TTC7B: variants seen among roughly 807,000 people sequenced by gnomAD.
TTC7B encodes the protein tetratricopeptide repeat domain 7B, also known as tetratricopeptide repeat protein 7B.
A neutral mutation model predicts 106.8 loss-of-function variants in TTC7B; 28 were observed. The ratio of observed to expected loss-of-function variants is 0.26; its 90% CI spans 0.19 to 0.36. TTC7B has a LOEUF of 0.36. Ranked by LOEUF, TTC7B falls within the 10% of genes least tolerant of loss-of-function variation. The pLI, the probability that TTC7B is intolerant of heterozygous loss-of-function variation, is 1.00. For missense variants in TTC7B, 862 were observed against 1,076.4 expected (o/e 0.80, Z 2.79); for synonymous variants, 405 against 430.6 (o/e 0.94, Z 0.74).
chr14:90,658,271 C>T (rs1303009310), intron 10 of TTC7B, 33 bp downstream of exon 10: 2 of 1,574,958 alleles, frequency 1.3e-6, no homozygotes, highest in Non-Finnish European at 1.7e-6. Flanking sequence ...ATAGGAAAGG[C>T]ATAAAAAACT....
intron 16 of TTC7B, among the ~76,000 whole-genome samples, chr14:90,611,739 C>T (rs139586414): frequency 2.6e-5 from 4 of 152,264 alleles, no homozygotes; most frequent in East Asian, 1.9e-4. Context: ...GAAACCACAG[C>T]GGGCCTAACA....
chr14:90,695,054 T>TGCCACA (rs1473632185), intron 6 of TTC7B, among the ~76,000 whole-genome samples: 4,520 of 39,988 alleles, frequency 0.11, 63 homozygotes, highest in East Asian at 0.22. Context: ...ATAAAATATA[T>TGCCACA]TTTATTTTAT....
At chr14:90,676,139 T>G (rs1886826921) in intron 9 of TTC7B, 1 of 166,714 alleles carries the variant, frequency 6.0e-6, no homozygotes, top group Non-Finnish European at 1.3e-5. Flanking sequence ...TGCCTGAAAT[T>G]GTCAGGCCAC....
At chr14:90,744,716 A>C in intron 4 of TTC7B, 76 bp downstream of exon 4, 16 of 1,484,676 alleles carry the variant, frequency 1.1e-5, no homozygotes, top group African/African-American at 2.8e-5. Flanking sequence ...AAAGCTTCCT[A>C]GAGATTAATC....
intron 9 of TTC7B, among the ~76,000 whole-genome samples, chr14:90,666,297 G>A (rs922171154): frequency 3.9e-5 from 6 of 152,288 alleles, no homozygotes; most frequent in African/African-American, 1.4e-4. Context: ...AAATAGCTGG[G>A]ATTACAGGCG....
intron 5 of TTC7B, among the ~76,000 whole-genome samples, chr14:90,728,387 C>A (rs912874583): frequency 6.8e-6 from 1 of 147,390 alleles, no homozygotes; most frequent in Non-Finnish European, 1.5e-5. Context: ...CTGGCCCAAT[C>A]CCATCACTGG....
Position 90,657,066 on chromosome 14 carries a change from C to G in TTC7B, c.1341+108G>C. On this transcript the variant is annotated intron_variant, in intron 11 of 19. Coordinates refer to ENST00000328459, the MANE Select transcript of TTC7B (RefSeq NM_001010854.2). The surrounding 1 kb of genome is among the most constrained non-coding windows in gnomAD (Gnocchi z 4.2). ...GGCTCTACACAGTCTTGTCTTTGTA[C>G]AGCTGATGAATCACCCTCGCTTTCT... is the stretch of plus-strand genomic sequence containing the variant. The G allele has an allele frequency of 1.0e-6, 1 of 967,796 alleles. No homozygotes were observed. Among genetic ancestry groups the G allele is most frequent in the Admixed American group, 2.2e-5 (1 of 45,906 alleles). The allele number at this position is 967,796 out of a possible 1,614,324, so 60.0% of individuals were successfully genotyped here.
intron 9 of TTC7B, among the ~76,000 whole-genome samples, chr14:90,674,390 C>T (rs1024866662): frequency 6.6e-6 from 1 of 152,234 alleles, no homozygotes; most frequent in African/African-American, 2.4e-5. Context: ...CCGTTTTAGT[C>T]GGATGATCTG....
At chr14:90,703,440 A>G (rs1204434407) in intron 5 of TTC7B, among the ~76,000 whole-genome samples, 1 of 152,218 alleles carries the variant, frequency 6.6e-6, no homozygotes, top group African/African-American at 2.4e-5. Context: ...CAAGCACTTG[A>G]GCTGGAAGTT....
At chr14:90,667,574 C>T (rs1296322951) in intron 9 of TTC7B, among the ~76,000 whole-genome samples, 1 of 152,152 alleles carries the variant, frequency 6.6e-6, no homozygotes, top group Non-Finnish European at 1.5e-5. Flanking sequence ...AAAAGTTGTA[C>T]TCATTATATT....
intron 15 of TTC7B, among the ~76,000 whole-genome samples, chr14:90,642,883 T>A (rs958903401): frequency 6.6e-6 from 1 of 151,946 alleles, no homozygotes; most frequent in Non-Finnish European, 1.5e-5. Flanking sequence ...AATAGGAGAA[T>A]CACCGAGAGC....
At chr14:90,778,588 G>A (rs1891108904) in intron 3 of TTC7B, among the ~76,000 whole-genome samples, 2 of 130,270 alleles carry the variant, frequency 1.5e-5, no homozygotes, top group African/African-American at 4.1e-5. Flanking sequence ...TGCTGTTGCT[G>A]GCCACACACA....
At chr14:90,564,214 T>A (rs762432336) in intron 19 of TTC7B, among the ~76,000 whole-genome samples, 1 of 152,120 alleles carries the variant, frequency 6.6e-6, no homozygotes, top group Non-Finnish European at 1.5e-5. Flanking sequence ...AAGATAACAG[T>A]CATCTCCTTG....
chr14:90,763,249 T>A (rs553701103), intron 3 of TTC7B, among the ~76,000 whole-genome samples: 30 of 152,272 alleles, frequency 2.0e-4, no homozygotes, highest in African/African-American at 7.2e-4. Context: ...TCATTCAACG[T>A]AAAATGCAAT....
In TTC7B at chr14:90,752,310, G is replaced by A. The variant is rs554086265; in HGVS notation, c.446-7388C>T. ...AGGTGGGAGCATTGCTTGAGCCCAA[G>A]AGTTCGAGACCAGCCTGCCTAACAT... is the stretch of plus-strand genomic sequence containing the variant. On this transcript the variant is annotated intron_variant, in intron 3 of 19. Coordinates refer to ENST00000328459, the MANE Select transcript of TTC7B (RefSeq NM_001010854.2). Among the ~76,000 whole-genome samples, 223 of 152,218 alleles carry A rather than the reference G, an allele frequency of 1.5e-3. 1 individual carries two copies. Among genetic ancestry groups the A allele is most frequent in the African/African-American group, 5.2e-3 (218 of 41,524 alleles).
rs915061521 is a variant in TTC7B, at chr14:90,578,845, T to C, written c.2108-537A>G. On this transcript the variant is annotated intron_variant, in intron 18 of 19. Transcript: ENST00000328459. This position sits in a 1 kb window ranked among gnomAD's most constrained non-coding sequence, Gnocchi z 4.7. ...TGCAAGATGGCTGCCCCGCCACACC[T>C]GGCCCCTGAGCTCACCTCTGACCAG... 2.6e-5 allele frequency among the ~76,000 whole-genome samples: 4 copies of C among 152,270 alleles called. No individual in the cohort carries two copies. In the South Asian group the frequency reaches 6.2e-4, roughly 24 times the overall value.
chr14:90,813,986 A>G (rs1230556220), intron 1 of TTC7B, among the ~76,000 whole-genome samples: 1 of 152,194 alleles, frequency 6.6e-6, no homozygotes, highest in East Asian at 1.9e-4. Flanking sequence ...TCTTGGCTTC[A>G]TCGTTTTATT....
chr14:90,741,075 A>G (rs1043397739), intron 4 of TTC7B, among the ~76,000 whole-genome samples: 8 of 152,302 alleles, frequency 5.3e-5, no homozygotes, highest in African/African-American at 1.9e-4. Context: ...CCAAAGTCCC[A>G]CAGCTAAAGG....
chr14:90,774,669 C>A (rs1387862535), intron 3 of TTC7B, among the ~76,000 whole-genome samples: 1 of 152,250 alleles, frequency 6.6e-6, no homozygotes, highest in East Asian at 1.9e-4. Context: ...ACTCCCCATC[C>A]TCCAACATCA....
Sources: gnomAD v4.1 joint callset for allele counts (sites outside exome capture counted in the v4.1 genomes callset) on GRCh38, gnomAD v4.1.1 for gene constraint, Gnocchi (gnomAD v3.1) non-coding constraint, MANE v1.5 for transcripts, NCBI Gene and HGNC (gene_info 2026-07-23, HGNC 2026-07-21) for gene names.